Variants in WEE2 observed in about 807,000 individuals in gnomAD.
WEE2 encodes wee1-like protein kinase 2.
WEE2 carries 50 observed loss-of-function variants against 60.1 expected under a neutral mutation model. The ratio of observed to expected loss-of-function variants is 0.83; its 90% CI spans 0.66 to 1.05. The LOEUF (loss-of-function observed/expected upper bound fraction) is 1.05, where lower values mean the gene tolerates loss of function less well. Ranked by LOEUF, WEE2 falls within the 50% of genes least tolerant of loss-of-function variation. The pLI is 0.00. For synonymous variants in WEE2, 240 were observed against 241.0 expected, an observed-to-expected ratio of 1.00 and a Z score of 0.04; for missense variants, 631 against 684.3, an observed-to-expected ratio of 0.92 and a Z score of 0.87.
At chr7:141,728,370 T>C (rs1798814186) in intron 10 of WEE2, among the ~76,000 whole-genome samples, 1 of 152,240 alleles carries the variant, frequency 6.6e-6, no homozygotes, top group Admixed American at 6.5e-5. Flanking sequence ...ATCCCTAACC[T>C]GATTTCTTAG....
intron 10 of WEE2, 107 bp downstream of exon 10, chr7:141,727,553 C>A: frequency 7.1e-7 from 1 of 1,402,192 alleles, no homozygotes; most frequent in Non-Finnish European, 9.7e-7. Flanking sequence ...AATATATTCA[C>A]CATTATAATA....
chr7:141,709,242 TGAA>T (rs1441331575), intron 1 of WEE2, 142 bp downstream of exon 1: 7 of 652,908 alleles, frequency 1.1e-5, no homozygotes, highest in Non-Finnish European at 1.8e-5. Flanking sequence ...TTGATGAAAA[TGAA>T]GAAATTAAAA....
chr7:141,730,264 C>T, intron 11 of WEE2, 31 bp from the exon 12 acceptor site: 1 of 1,610,568 alleles, frequency 6.2e-7, no homozygotes, highest in Middle Eastern at 1.7e-4. Flanking sequence ...TGATCAATAA[C>T]TTATTTACTT....
At position 141,714,319 on chromosome 7, in the gene WEE2, T is replaced by A. The variant is rs1798759828; in HGVS notation, c.453T>A (p.Ala151=). ...APLKDEMTSL[A]LVNINPFTPE... ...TCAAGGATGAGATGACCTCATTGGC[T>A]CTGGTCAATATTAATCCCTTCACTC... Residue 151 remains alanine (A), a synonymous_variant, in exon 2 of 12, where the codon GCT becomes GCA. Coordinates refer to ENST00000397541, the MANE Select transcript of WEE2 (RefSeq NM_001105558.1). The A allele has an allele frequency of 1.2e-6, 2 of 1,613,760 alleles. No individual in the cohort carries two copies. Among genetic ancestry groups the A allele is most frequent in the Admixed American group, 3.3e-5 (2 of 59,984 alleles).
At position 141,727,465 on chromosome 7, in the gene WEE2, G is replaced by A. The variant is rs149768939; in HGVS notation, c.1535+19G>A. On this transcript the variant is annotated intron_variant, in intron 10 of 11. Transcript: ENST00000397541. ...TGGAAAGGTATATTTTTGGATGATG[G>A]GGGGTCAAGAAAGAATCTGAGCACT... 6.2e-7 allele frequency: 1 copy of A among 1,613,210 alleles called. No homozygotes were observed. The highest frequency in any genetic ancestry group is 1.7e-5 in the Admixed American group (1 of 59,932).
Position 141,725,164 on chromosome 7 carries a change from G to C in WEE2, c.1360G>C (p.Glu454Gln), listed in dbSNP as rs200700236. 7.6e-5 allele frequency: 123 copies of C among 1,614,022 alleles called. No individual in the cohort carries two copies. Among genetic ancestry groups the C allele is most frequent in the Non-Finnish European group, 9.8e-5 (116 of 1,180,020 alleles). ...RKGNFPDVPQ[E>Q]LSESFSSLLK... is the part of the protein sequence containing the mutation. ...GGGTAACTTTCCGGACGTTCCTCAG[G>C]AGCTCTCAGAAAGCTTTTCCAGTCT... Residue 454 changes from glutamate to glutamine, a missense_variant, in exon 9 of 12, where the codon GAG becomes CAG. Transcript: ENST00000397541.
chr7:141,723,358 C>A, intron 6 of WEE2, 78 bp downstream of exon 6: 1 of 1,482,172 alleles, frequency 6.7e-7, no homozygotes, highest in Non-Finnish European at 9.2e-7. Flanking sequence ...GTCTGTATGT[C>A]TATCAAGTGT....
intron 4 of WEE2, 113 bp from the exon 5 acceptor site, chr7:141,720,822 G>C: frequency 8.9e-7 from 1 of 1,129,368 alleles, no homozygotes. Context: ...CAAGCAGTGA[G>C]CTCTCAATAA....
intron 4 of WEE2, among the ~76,000 whole-genome samples, chr7:141,719,788 G>T (rs759001726): frequency 6.6e-6 from 1 of 151,932 alleles, no homozygotes; most frequent in Non-Finnish European, 1.5e-5. Context: ...GTTTTTTTGT[G>T]GCTTTTACTT....
At position 141,723,956 on chromosome 7, in the gene WEE2, G is replaced by C; in HGVS notation, c.1043G>C (p.Cys348Ser). Residue 348 changes from cysteine (C) to serine (S), a missense_variant, in exon 7 of 12, where the codon TGT becomes TCT. By Grantham distance (112) the Cys-to-Ser change is moderately radical (BLOSUM62 -1). Coordinates refer to ENST00000397541, the MANE Select transcript of WEE2 (RefSeq NM_001105558.1). ...TTTTTTTCAGGTAATATATTCATTT[G>C]TCACAAGATGCAAAGTGAATCCTCT... ...LDIKPSNIFICHKMQSESSGV... is the reference protein window; with the variant it reads ...LDIKPSNIFISHKMQSESSGV... The C allele has an allele frequency of 6.2e-7, 1 of 1,605,128 alleles. No homozygotes were observed. The highest frequency in any genetic ancestry group is 8.5e-7 in the Non-Finnish European group (1 of 1,175,794).
intron 4 of WEE2, among the ~76,000 whole-genome samples, chr7:141,719,541 C>T (rs1191517970): frequency 1.3e-5 from 2 of 152,156 alleles, no homozygotes; most frequent in African/African-American, 4.8e-5. Context: ...ATCTCCACCT[C>T]CTGGGTTCAA....
intron 6 of WEE2, among the ~76,000 whole-genome samples, chr7:141,723,572 T>C (rs921127395): frequency 6.6e-6 from 1 of 152,242 alleles, no homozygotes; most frequent in African/African-American, 2.4e-5. Context: ...ATTCTGATTA[T>C]GTTTATGACT....
intron 4 of WEE2, 151 bp downstream of exon 4, chr7:141,719,395 T>C (rs931390084): frequency 1.4e-6 from 1 of 718,956 alleles, no homozygotes; most frequent in African/African-American, 1.8e-5. Flanking sequence ...ATTCATAACC[T>C]TTCTGAGTTT....
At chr7:141,719,396 TTC>T in intron 4 of WEE2, 152 bp downstream of exon 4, 1 of 720,322 alleles carries the variant, frequency 1.4e-6, no homozygotes, top group South Asian at 2.3e-5. Context: ...TTCATAACCT[TTC>T]TGAGTTTTCC....
rs1041395315 is a variant in WEE2 at position 141,730,871 on chromosome 7, A to G, written c.*551A>G. On this transcript the variant is annotated 3_prime_UTR_variant, in exon 12 of 12. Transcript: ENST00000397541. ...TTATCTAAATCCTTTTTCTGTACAC[A>G]TTTTTAAAGGAAGAGAATACTGTAT... is the stretch of plus-strand genomic sequence containing the variant. 1 of 152,212 alleles carries G rather than the reference A, an allele frequency of 6.6e-6. No individual in the cohort carries two copies. Among genetic ancestry groups the G allele is most frequent in the African/African-American group, 2.4e-5 (1 of 41,450 alleles). 9.4% of individuals were successfully genotyped at this position (152,212 alleles called of 1,614,324 possible).
Position 141,724,939 on chromosome 7 carries a change from C to T in WEE2, c.1222-87C>T, listed in dbSNP as rs572722043. 10 of 1,467,430 alleles carry T rather than the reference C, an allele frequency of 6.8e-6. No homozygotes were observed. The African/African-American group carries it at 8.4e-5, about 12-fold the overall frequency. 90.9% of individuals were successfully genotyped at this position (1,467,430 alleles called of 1,614,324 possible). ...TGTCTGTTTAAACCTTATATGCACTCGAATGAACCTTTCCTACCAGTTATA... is the reference window on the plus strand; with the variant it reads ...TGTCTGTTTAAACCTTATATGCACTTGAATGAACCTTTCCTACCAGTTATA... On this transcript the variant is annotated intron_variant, in intron 8 of 11. Coordinates refer to ENST00000397541, the MANE Select transcript of WEE2 (RefSeq NM_001105558.1).
chr7:141,713,304 C>A (rs770151885), intron 1 of WEE2, among the ~76,000 whole-genome samples: 1 of 152,154 alleles, frequency 6.6e-6, no homozygotes, highest in Non-Finnish European at 1.5e-5. Context: ...CAGTGCAATG[C>A]TTATACTGTG....
chr7:141,720,408 C>T (rs1396369674), intron 4 of WEE2, among the ~76,000 whole-genome samples: 1 of 152,060 alleles, frequency 6.6e-6, no homozygotes, highest in Non-Finnish European at 1.5e-5. Context: ...GAATATCTCT[C>T]CCCAAGGCTA....
rs1233568722 is a variant in WEE2 at position 141,711,980 on chromosome 7, G to T, written c.343-2229G>T. ...AAAGTGAGAACTGGTTCATTACCAT[G>T]AGGATGGCACCAAGGAATCTACCTC... is the stretch of plus-strand genomic sequence containing the variant. On this transcript the variant is annotated intron_variant, in intron 1 of 11. Transcript: ENST00000397541. The surrounding 1 kb of genome is among the most constrained non-coding windows in gnomAD (Gnocchi z 4.2). 6.6e-6 allele frequency among the ~76,000 whole-genome samples: 1 copy of T among 152,176 alleles called. No individual in the cohort carries two copies. Among genetic ancestry groups the T allele is most frequent in the African/African-American group, 2.4e-5 (1 of 41,440 alleles).
Sources: gnomAD v4.1 joint callset for allele counts (sites outside exome capture counted in the v4.1 genomes callset) on GRCh38, gnomAD v4.1.1 for gene constraint, Gnocchi (gnomAD v3.1) non-coding constraint, MANE v1.5 for transcripts, NCBI Gene and HGNC (gene_info 2026-07-23, HGNC 2026-07-21) for gene names.